ENAM: variants seen among roughly 807,000 people sequenced by gnomAD.
ENAM encodes the protein amelogenesis imperfecta 2, hypocalcification (autosomal dominant).
A neutral mutation model predicts 33.6 loss-of-function variants in ENAM; 21 were observed. The ratio of observed to expected loss-of-function variants is 0.63; its 90% CI spans 0.44 to 0.90. The LOEUF (loss-of-function observed/expected upper bound fraction) is 0.90, where lower values mean the gene tolerates loss of function less well. Ranked by LOEUF, ENAM falls within the 40% of genes least tolerant of loss-of-function variation. ENAM has a pLI of 0.00. For missense variants in ENAM, 1,388 were observed against 1,366.9 expected (o/e 1.02, Z -0.24); for synonymous variants, 473 against 468.4 (o/e 1.01, Z -0.13).
At position 70,643,484 on chromosome 4, in the gene ENAM, T is replaced by C; in HGVS notation, c.2058T>C (p.Tyr686=). 3 of 1,614,162 alleles carry C rather than the reference T, an allele frequency of 1.9e-6. 1 individual carries two copies. The South Asian group carries it at 3.3e-5, about 18-fold the overall frequency. Residue 686 remains tyrosine (Y), a synonymous_variant, in exon 9 of 9, where the codon TAT becomes TAC. Coordinates refer to ENST00000396073, the MANE Select transcript of ENAM (RefSeq NM_031889.3). ...SFKGGPTVRH[Y]EGEQYTSNQP... is the part of the protein sequence containing the mutation. The stretch of plus-strand genomic sequence containing the variant: ...AAGGAGGCCCAACAGTTAGGCACTA[T>C]GAAGGTGAACAATATACCTCAAATC...
At position 70,642,839 on chromosome 4, in the gene ENAM, T is replaced by C. The variant is rs1200032322; in HGVS notation, c.1413T>C (p.Tyr471=). 1.3e-5 allele frequency: 21 copies of C among 1,614,038 alleles called. No individual in the cohort carries two copies. Among genetic ancestry groups the C allele is most frequent in the Non-Finnish European group, 1.7e-5 (20 of 1,179,950 alleles). The change falls in exon 9 of 9, where the codon TAT becomes TAC. Residue 471 remains tyrosine, a synonymous_variant. Coordinates refer to ENST00000396073, the MANE Select transcript of ENAM (RefSeq NM_031889.3). ...SQQYEVNKSN[Y]KLPHSEGYMP... is the part of the protein sequence containing the mutation. ...AGTATGAAGTTAATAAATCAAATTA[T>C]AAACTGCCTCACTCTGAGGGTTATA...
At chr4:70,634,189 A>T in intron 5 of ENAM, 119 bp from the exon 6 acceptor site, 4 of 943,548 alleles carry the variant, frequency 4.2e-6, no homozygotes, top group Non-Finnish European at 6.9e-6. Context: ...TTCCATAGTT[A>T]AGTCAAGTTC....
rs955635472 is a variant in ENAM, at chr4:70,644,290, A to G, written c.2864A>G (p.Asn955Ser). ...FRDDVSTLRR[N>S]TPCSIKNQLG... ...GATGATGTGTCCACGCTGAGGAGGAACACACCATGTTCTATAAAGAATCAA... is the reference window on the plus strand; with the variant it reads ...GATGATGTGTCCACGCTGAGGAGGAGCACACCATGTTCTATAAAGAATCAA... The change falls in exon 9 of 9, where the codon AAC becomes AGC. Residue 955 changes from asparagine to serine, a missense_variant. Physicochemically the swap from Asn to Ser is conservative, Grantham distance 46. Coordinates refer to ENST00000396073, the MANE Select transcript of ENAM (RefSeq NM_031889.3). The G allele has an allele frequency of 3.7e-6, 6 of 1,614,090 alleles. No individual in the cohort carries two copies. In the African/African-American group the frequency reaches 6.7e-5, roughly 18 times the overall value.
At position 70,643,670 on chromosome 4, in the gene ENAM, T is replaced by G; in HGVS notation, c.2244T>G (p.Val748=). 1 of 1,614,156 alleles carries G rather than the reference T, an allele frequency of 6.2e-7. No individual in the cohort carries two copies. The highest frequency in any genetic ancestry group is 1.6e-4 in the Middle Eastern group (1 of 6,062). Residue 748 remains valine, a synonymous_variant, in exon 9 of 9, where the codon GTT becomes GTG. Coordinates refer to ENST00000396073, the MANE Select transcript of ENAM (RefSeq NM_031889.3). ...CTATAGAGAGCAGGGGCTACTACGT[T>G]AATAATGCCGCTGGACCAGAAGAAA... ...PPPIESRGYY[V]NNAAGPEEST...
intron 4 of ENAM, 71 bp from the exon 5 acceptor site, chr4:70,632,580 T>A: frequency 2.6e-6 from 3 of 1,146,314 alleles, no homozygotes; most frequent in Non-Finnish European, 4.0e-6. Flanking sequence ...TTTACTTATT[T>A]CTTACGATTT....
rs372674827 is a variant in ENAM, at chr4:70,642,085, T to C, written c.659T>C (p.Phe220Ser). ...CCTCCTTATTATTCAGAAGAAATGT[T>C]TGAACAAGATTTTGAAAAACCCAAA... ...GRPPYYSEEMFEQDFEKPKEE... is the reference protein window; with the variant it reads ...GRPPYYSEEMSEQDFEKPKEE... The change falls in exon 9 of 9, where the codon TTT becomes TCT. Residue 220 changes from phenylalanine to serine, a missense_variant. Physicochemically the swap from Phe to Ser is radical, Grantham distance 155. Coordinates refer to ENST00000396073, the MANE Select transcript of ENAM (RefSeq NM_031889.3). 2.0e-5 allele frequency: 32 copies of C among 1,614,032 alleles called. No individual in the cohort carries two copies. Among genetic ancestry groups the C allele is most frequent in the Non-Finnish European group, 2.7e-5 (32 of 1,179,936 alleles).
chr4:70,634,725 A>G (rs1029275143), intron 6 of ENAM, among the ~76,000 whole-genome samples, 157 bp downstream of exon 6: 6 of 152,184 alleles, frequency 3.9e-5, no homozygotes, highest in Non-Finnish European at 8.8e-5. Context: ...AGTCGACTCC[A>G]ATCTTGTTTG....
Position 70,642,977 on chromosome 4 carries a change from C to A in ENAM, c.1551C>A (p.Pro517=). ...GACAAACCCAAAGCCAGAATTTGCC[C>A]AAAGGGATTGTTTTAGGGTCAAGAA... ...SDGQTQSQNL[P]KGIVLGSRRM... Residue 517 remains proline (P), a synonymous_variant, in exon 9 of 9, where the codon CCC becomes CCA. Coordinates refer to ENST00000396073, the MANE Select transcript of ENAM (RefSeq NM_031889.3). The A allele has an allele frequency of 6.2e-7, 1 of 1,613,960 alleles. No individual in the cohort carries two copies. Among genetic ancestry groups the A allele is most frequent in the Non-Finnish European group, 8.5e-7 (1 of 1,179,974 alleles).
chr4:70,629,071 A>G (rs1018946292), intron 1 of ENAM, 107 bp downstream of exon 1: 38 of 176,896 alleles, frequency 2.1e-4, no homozygotes, highest in African/African-American at 6.0e-4. Context: ...TGTTGGTTGT[A>G]TAATCATTGT....
At chr4:70,640,122 A>C (rs890103164) in intron 8 of ENAM, among the ~76,000 whole-genome samples, 3 of 152,270 alleles carry the variant, frequency 2.0e-5, no homozygotes, top group African/African-American at 7.2e-5. Flanking sequence ...CATTAAATGA[A>C]AATTTATTAA....
rs778381344 is a variant in ENAM, at chr4:70,644,114, T to A, written c.2688T>A (p.Tyr896Ter). ...PLALQDYTPS[Y>*]GLAPGENQDT... ...CTCTACAAGACTACACTCCATCCTATGGTCTTGCACCTGGGGAGAACCAAG... is the reference window on the plus strand; with the variant it reads ...CTCTACAAGACTACACTCCATCCTAAGGTCTTGCACCTGGGGAGAACCAAG... Residue 896 changes from tyrosine to a stop codon, truncating the protein, a stop_gained, in exon 9 of 9, where the codon TAT becomes TAA. Coordinates refer to ENST00000396073, the MANE Select transcript of ENAM (RefSeq NM_031889.3). LOFTEE classifies it low-confidence loss of function (END_TRUNC). 3.1e-6 allele frequency: 5 copies of A among 1,614,028 alleles called. No individual in the cohort carries two copies. The highest frequency in any genetic ancestry group is 4.2e-6 in the Non-Finnish European group (5 of 1,180,030).
chr4:70,644,254 A>G lies in ENAM; in HGVS notation c.2828A>G (p.Asn943Ser), dbSNP rs1183750534. The G allele has an allele frequency of 5.0e-6, 8 of 1,614,084 alleles. No individual in the cohort carries two copies. Among genetic ancestry groups the G allele is most frequent in the Non-Finnish European group, 6.8e-6 (8 of 1,179,996 alleles). The change falls in exon 9 of 9, where the codon AAC becomes AGC. Residue 943 changes from asparagine (N) to serine (S), a missense_variant. Transcript: ENST00000396073. ...AGCTCAGAGAAGAGGGAAAGCCAAA[A>G]CCCTTTTAGAGATGATGTGTCCACG... ...RNSSEKRESQ[N>S]PFRDDVSTLR...
rs747206681 is a variant in ENAM at position 70,629,477 on chromosome 4, C to T, written c.-24C>T. The T allele has an allele frequency of 2.1e-5, 33 of 1,594,212 alleles. No individual in the cohort carries two copies. The highest frequency in any genetic ancestry group is 2.7e-5 in the Non-Finnish European group (31 of 1,162,180). On this transcript the variant is annotated 5_prime_UTR_variant, in exon 2 of 9. Transcript: ENST00000396073. The stretch of plus-strand genomic sequence containing the variant: ...GTTAAAGCTGTATTTTTCTTAAAGG[C>T]TTATAAAAATTTTGCTGAAAAAAAT...
chr4:70,642,222 G>A lies in ENAM; in HGVS notation c.796G>A (p.Asp266Asn), dbSNP rs902557256. The A allele has an allele frequency of 5.0e-6, 8 of 1,614,046 alleles. No homozygotes were observed. Among genetic ancestry groups the A allele is most frequent in the Non-Finnish European group, 6.8e-6 (8 of 1,179,996 alleles). Reference protein sequence around the residue: ...PNPKGSQGGNDTSPTGNSTPG... With the variant: ...PNPKGSQGGNNTSPTGNSTPG... ...TCCTAAAGGGAGTCAGGGAGGAAAT[G>A]ACACCAGCCCCACAGGAAACAGTAC... Residue 266 changes from aspartate (D) to asparagine (N), a missense_variant, in exon 9 of 9, where the codon GAC (aspartate) becomes AAC (asparagine). By Grantham distance (23) the Asp-to-Asn change is conservative. Transcript: ENST00000396073.
At chr4:70,630,666 T>C (rs1253555560) in intron 2 of ENAM, among the ~76,000 whole-genome samples, 3 of 152,116 alleles carry the variant, frequency 2.0e-5, no homozygotes, top group African/African-American at 7.2e-5. Flanking sequence ...AATCAAGGTA[T>C]CTAATAAAGA....
rs1489967591 is a variant in ENAM at position 70,644,135 on chromosome 4, C to T, written c.2709C>T (p.Asn903=). The change falls in exon 9 of 9, where the codon AAC becomes AAT. Residue 903 remains asparagine, a synonymous_variant. Coordinates refer to ENST00000396073, the MANE Select transcript of ENAM (RefSeq NM_031889.3). ...CCTATGGTCTTGCACCTGGGGAGAA[C>T]CAAGACACCAGTCCTCTGTATACAG... ...TPSYGLAPGE[N]QDTSPLYTDG... The T allele has an allele frequency of 1.2e-6, 2 of 1,614,040 alleles. No homozygotes were observed. Among genetic ancestry groups the T allele is most frequent in the South Asian group, 2.2e-5 (2 of 91,078 alleles).
intron 8 of ENAM, 143 bp downstream of exon 8, chr4:70,637,986 T>G (rs1022938700): frequency 1.0e-5 from 7 of 694,326 alleles, no homozygotes; most frequent in Non-Finnish European, 1.7e-5. Flanking sequence ...AATAAAAAAG[T>G]TAAACAAATC....
chr4:70,644,585 G>T lies in ENAM; in HGVS notation c.3159G>T (p.Leu1053=), dbSNP rs757441601. 4.6e-5 allele frequency: 75 copies of T among 1,613,010 alleles called. No homozygotes were observed. Among genetic ancestry groups the T allele is most frequent in the Non-Finnish European group, 6.1e-5 (72 of 1,179,296 alleles). ...AACAGCAAAGACCATCTAACATTCTGCATTTGCCATGCTTTGGCTCCAAAT... is the reference window on the plus strand; with the variant it reads ...AACAGCAAAGACCATCTAACATTCTTCATTTGCCATGCTTTGGCTCCAAAT... ...ERQQQRPSNI[L]HLPCFGSKLA... The change falls in exon 9 of 9, where the codon CTG becomes CTT. Residue 1053 remains leucine (L), a synonymous_variant. Transcript: ENST00000396073.
intron 8 of ENAM, among the ~76,000 whole-genome samples, chr4:70,640,511 G>T (rs986352937): frequency 4.6e-5 from 7 of 152,160 alleles, no homozygotes; most frequent in Non-Finnish European, 1.0e-4. Flanking sequence ...TGCATAAAGT[G>T]CAAGGGGGAG....
Sources: allele counts gnomAD v4.1 joint callset (sites outside exome capture counted in the v4.1 genomes callset), GRCh38; gene constraint gnomAD v4.1.1; transcripts MANE v1.5; gene names NCBI Gene and HGNC (gene_info 2026-07-23, HGNC 2026-07-21).